Variants in SYTL4 observed in about 807,000 individuals in gnomAD.
The protein encoded by SYTL4 is synaptotagmin-like protein 4.
SYTL4 carries 16 observed loss-of-function variants against 52.7 expected under a neutral mutation model. The ratio of observed to expected loss-of-function variants is 0.30; its 90% CI spans 0.21 to 0.46. SYTL4 has a LOEUF of 0.46. SYTL4 is among the 20% of genes least tolerant of loss of function. The probability of loss-of-function intolerance (pLI) is 1.00; values close to 1 mark genes in which losing one functional copy is unlikely to be tolerated. For missense variants in SYTL4, 423 were observed against 519.9 expected (o/e 0.81, Z 1.81); for synonymous variants, 160 against 186.6 (o/e 0.86, Z 1.16).
chrX:100,679,434 G>A, intron 17 of SYTL4, 22 bp from the exon 18 acceptor site: 2 of 1,112,805 alleles, frequency 1.8e-6, no homozygotes, highest in Non-Finnish European at 1.2e-6. Context: ...GTCAGCCATA[G>A]CAAGTGAGCC....
Position 100,678,443 on chromosome X carries a change from C to T in SYTL4, c.1815G>A (p.Glu605=), listed in dbSNP as rs1283762364. The T allele has an allele frequency of 1.5e-5, 18 of 1,209,358 alleles. No individual in the cohort carries two copies. The highest frequency in any genetic ancestry group is 1.9e-5 in the Non-Finnish European group (17 of 894,980). The stretch of plus-strand genomic sequence containing the variant: ...CCAGGAAGTCATTGCTGGCCAGGGG[C>T]TCCCGGTCCCACACAGTCAGTTCCA... ...MCLELTVWDR[E]PLASNDFLGG... The change falls in exon 19 of 20, where the codon GAG becomes GAA. Residue 605 remains glutamate (E), a synonymous_variant. Coordinates refer to ENST00000372989, the MANE Select transcript of SYTL4 (RefSeq NM_001370165.1).
chrX:100,698,346 G>C (rs112056906), intron 8 of SYTL4, among the ~76,000 whole-genome samples: 1 of 111,072 alleles, frequency 9.0e-6, no homozygotes, highest in Non-Finnish European at 1.9e-5. Context: ...CTTGTGATCC[G>C]CCCGCCTCGG....
At chrX:100,711,008 A>G (rs1231233783) in intron 2 of SYTL4, among the ~76,000 whole-genome samples, 2 of 112,418 alleles carry the variant, frequency 1.8e-5, no homozygotes, top group Non-Finnish European at 3.8e-5. Flanking sequence ...TCACTCACAC[A>G]GGGCTAAGAA....
At chrX:100,713,856 C>CAA (rs201890670) in intron 2 of SYTL4, among the ~76,000 whole-genome samples, 1 of 98,654 alleles carries the variant, frequency 1.0e-5, no homozygotes, top group African/African-American at 3.6e-5. Context: ...ATAAGTCAGG[C>CAA]AAAAAAAAAA....
At chrX:100,683,146 T>A (rs1328004093) in intron 16 of SYTL4, among the ~76,000 whole-genome samples, 5 of 99,397 alleles carry the variant, frequency 5.0e-5, no homozygotes, top group Admixed American at 2.3e-4. Context: ...TTTTTTTTTT[T>A]TTTTTTTTTT....
Position 100,678,663 on chromosome X carries a change from C to T in SYTL4, c.1659-64G>A, listed in dbSNP as rs1296438589. On this transcript the variant is annotated intron_variant, in intron 18 of 19. Transcript: ENST00000372989. ...GCGGACAGTTATCTCTCTAAATTCC[C>T]CTTTCCCCTACCACAGGCCTAGCCC... 5 of 973,602 alleles carry T rather than the reference C, an allele frequency of 5.1e-6. No homozygotes were observed. In the Admixed American group the frequency reaches 8.9e-5, roughly 17 times the overall value. 80.2% of individuals were successfully genotyped at this position (973,602 alleles called of 1,213,427 possible). A position where few individuals can be genotyped will look rare whatever the true frequency, so the allele number is the denominator to read the frequency against.
intron 16 of SYTL4, chrX:100,685,145 G>A (rs770616544): frequency 2.7e-5 from 3 of 111,748 alleles, no homozygotes; most frequent in South Asian, 3.7e-4. Flanking sequence ...TCTTAATATG[G>A]TAAAAAGTTC....
At position 100,726,610 on chromosome X, in the gene SYTL4, G is replaced by A. The variant is rs773321979; in HGVS notation, c.-240+4808C>T. Among the ~76,000 whole-genome samples, 6 of 109,341 alleles carry A rather than the reference G, an allele frequency of 5.5e-5. No homozygotes were observed. The East Asian group carries it at 1.1e-3, about 21-fold the overall frequency. The allele number at this position is 109,341 out of a possible 115,157, so 94.9% of individuals were successfully genotyped here. A position where few individuals can be genotyped will look rare whatever the true frequency, so the allele number is the denominator to read the frequency against. On this transcript the variant is annotated intron_variant, in intron 2 of 19. Coordinates refer to ENST00000372989, the MANE Select transcript of SYTL4 (RefSeq NM_001370165.1). The stretch of plus-strand genomic sequence containing the variant: ...CACTCCCACCCTCTGACTTTCTCGG[G>A]GACCTTGCATCATCAAGCTGTATGC...
In SYTL4 at chrX:100,688,626, G is replaced by A. The variant is rs7066519; in HGVS notation, c.913-183C>T. Among the ~76,000 whole-genome samples the A allele has an allele frequency of 8.5e-3, 885 of 103,652 alleles. 6 individuals are homozygous for A. Among genetic ancestry groups the A allele is most frequent in the African/African-American group, 0.019 (533 of 27,817 alleles). 90.0% of individuals were successfully genotyped at this position (103,652 alleles called of 115,157 possible). A position where few individuals can be genotyped will look rare whatever the true frequency, so the allele number is the denominator to read the frequency against. On this transcript the variant is annotated intron_variant, in intron 12 of 19. Transcript: ENST00000372989. ...GTTGCCCAGGCTGGAGGGCAATGGC[G>A]CAATCTCAGCTCACCGCAACCTCCG...
At chrX:100,692,723 TC>T (rs1303968451) in intron 8 of SYTL4, among the ~76,000 whole-genome samples, 1 of 110,365 alleles carries the variant, frequency 9.1e-6, no homozygotes, top group African/African-American at 3.3e-5. Context: ...CACCACACTC[TC>T]CTGGTTTCCT....
At chrX:100,710,600 T>C (rs1450936804) in intron 2 of SYTL4, among the ~76,000 whole-genome samples, 4 of 112,269 alleles carry the variant, frequency 3.6e-5, no homozygotes, top group Non-Finnish European at 7.5e-5. Flanking sequence ...ACCAAATACA[T>C]GAAACAATGG....
At chrX:100,705,188 T>C (rs17003839) in intron 2 of SYTL4, among the ~76,000 whole-genome samples, 14,653 of 111,858 alleles carry the variant, frequency 0.13, 2,258 homozygotes, top group African/African-American at 0.45. Context: ...TCACTGTCAT[T>C]GTCACCCCAA....
At position 100,675,995 on chromosome X, in the gene SYTL4, G is replaced by A. The variant is rs200526563; in HGVS notation, c.*33C>T. 2,737 of 1,190,313 alleles carry A rather than the reference G, an allele frequency of 2.3e-3. 3 individuals carry two copies. Among genetic ancestry groups the A allele is most frequent in the South Asian group, 5.4e-3 (290 of 53,929 alleles). On this transcript the variant is annotated 3_prime_UTR_variant, in exon 20 of 20. Coordinates refer to ENST00000372989, the MANE Select transcript of SYTL4 (RefSeq NM_001370165.1). ...TCTTCACTTCCTCTGACCTGCCCTC[G>A]CCAGGGCTGGACCTGCAGAAGAGGA... is the stretch of plus-strand genomic sequence containing the variant.
At chrX:100,688,041 A>G in intron 13 of SYTL4, 1 of 201,356 alleles carries the variant, frequency 5.0e-6, no homozygotes, top group Non-Finnish European at 9.1e-6. Flanking sequence ...TGATGAAGAA[A>G]TCTGATCTTG....
intron 2 of SYTL4, among the ~76,000 whole-genome samples, chrX:100,715,226 T>C (rs910249611): frequency 2.7e-5 from 3 of 111,480 alleles, no homozygotes; most frequent in Non-Finnish European, 5.7e-5. Context: ...TTTCACCATG[T>C]TGCCCAGGCT....
chrX:100,689,422 G>A (rs201363742), intron 12 of SYTL4, among the ~76,000 whole-genome samples: 35 of 106,152 alleles, frequency 3.3e-4, no homozygotes, highest in South Asian at 3.0e-3. Flanking sequence ...TGGATCACCT[G>A]AGGTCAGGAG....
intron 17 of SYTL4, 58 bp from the exon 18 acceptor site, chrX:100,679,470 G>T: frequency 1.0e-6 from 1 of 970,723 alleles, no homozygotes; most frequent in Non-Finnish European, 1.5e-6. Flanking sequence ...TTTATCTTGA[G>T]CTTTGTTTAT....
rs774696449 is a variant in SYTL4, at chrX:100,691,103, C to T, written c.641+5G>A. On this transcript the variant is annotated splice_donor_5th_base_variant and intron_variant, in intron 9 of 19. Transcript: ENST00000372989. ...AGGAGATGAGGGAAATGGGGGGAACCCCACCTGGAGGTGCTATCCGAGTCA... is the reference window on the plus strand; with the variant it reads ...AGGAGATGAGGGAAATGGGGGGAACTCCACCTGGAGGTGCTATCCGAGTCA... The T allele has an allele frequency of 1.2e-5, 14 of 1,189,386 alleles. No individual in the cohort carries two copies. In the East Asian group the frequency reaches 3.6e-4, roughly 30 times the overall value.
At chrX:100,714,538 C>T (rs188886056) in intron 2 of SYTL4, among the ~76,000 whole-genome samples, 1,399 of 108,217 alleles carry the variant, frequency 0.013, 9 homozygotes, top group Middle Eastern at 0.019. Context: ...GGATTACAGG[C>T]GTGAGCCACC....
Sources: allele counts gnomAD v4.1 joint callset (sites outside exome capture counted in the v4.1 genomes callset), GRCh38; gene constraint gnomAD v4.1.1; transcripts MANE v1.5; gene names NCBI Gene and HGNC (gene_info 2026-07-23, HGNC 2026-07-21).